SAP130: variants seen among roughly 807,000 people sequenced by gnomAD.
SAP130 encodes histone deacetylase complex subunit SAP130.
In SAP130, 16 loss-of-function variants were observed where a neutral mutation model predicts 103.2. The observed-to-expected ratio is 0.16, with a 90% confidence interval of 0.10 to 0.24. The LOEUF is 0.24. Ranked by LOEUF, SAP130 falls within the 10% of genes least tolerant of loss-of-function variation. SAP130 has a pLI of 1.00. For synonymous variants in SAP130, 477 were observed against 497.0 expected, an observed-to-expected ratio of 0.96 and a Z score of 0.53; for missense variants, 990 against 1,359.7, an observed-to-expected ratio of 0.73 and a Z score of 4.28.
In SAP130 at chr2:127,955,217, G is replaced by A; in HGVS notation, c.2191C>T (p.Pro731Ser). ...AVPPTAQQPP[P>S]TIPTMIAAAS... Reference sequence around the variant, plus strand: ...GCTGCAATCATAGTTGGAATGGTCGGTGGGGGCTGCTGGGCAGTTGGAGGG... The same window carrying A: ...GCTGCAATCATAGTTGGAATGGTCGATGGGGGCTGCTGGGCAGTTGGAGGG... The change falls in exon 16 of 21, where the codon CCG becomes TCG. Residue 731 changes from proline to serine, a missense_variant. Pro to Ser is a moderately conservative substitution (Grantham distance 74, BLOSUM62 -1). Transcript: ENST00000643581. The surrounding 1 kb of genome is among the most constrained non-coding windows in gnomAD (Gnocchi z 4.9). The A allele has an allele frequency of 6.2e-7, 1 of 1,614,162 alleles. No individual in the cohort carries two copies. Among genetic ancestry groups the A allele is most frequent in the Non-Finnish European group, 8.5e-7 (1 of 1,180,036 alleles).
intron 2 of SAP130, among the ~76,000 whole-genome samples, chr2:128,022,421 G>A (rs1273535807): frequency 6.6e-6 from 1 of 152,208 alleles, no homozygotes; most frequent in Non-Finnish European, 1.5e-5. Flanking sequence ...CTACGAACAT[G>A]TGAATATAAG....
At chr2:128,024,073 G>A (rs1685333914) in intron 2 of SAP130, among the ~76,000 whole-genome samples, 1 of 152,118 alleles carries the variant, frequency 6.6e-6, no homozygotes. Context: ...TCGTGAAATT[G>A]GGAATTTTTT....
At chr2:128,004,748 G>A (rs985697350) in intron 7 of SAP130, among the ~76,000 whole-genome samples, 5 of 152,112 alleles carry the variant, frequency 3.3e-5, no homozygotes, top group African/African-American at 1.2e-4. Flanking sequence ...AATAGTGTGC[G>A]GGGGACCTAG....
chr2:128,016,300 G>A (rs1376645368), intron 4 of SAP130, 89 bp downstream of exon 4: 29 of 1,318,200 alleles, frequency 2.2e-5, no homozygotes, highest in South Asian at 5.6e-5. Context: ...TTTTATTACC[G>A]TGACTAATGT....
chr2:127,996,040 C>T lies in SAP130; in HGVS notation c.1355+310G>A, dbSNP rs981644205. 2.6e-5 allele frequency among the ~76,000 whole-genome samples: 4 copies of T among 152,054 alleles called. No homozygotes were observed. The highest frequency in any genetic ancestry group is 1.3e-4 in the Admixed American group (2 of 15,256). ...ACATCAAAGAATGTCTTTACTCTTC[C>T]GTGCTACAAATGGAGGTACTTACGG... is the stretch of plus-strand genomic sequence containing the variant. On this transcript the variant is annotated intron_variant, in intron 11 of 20. Coordinates refer to ENST00000643581, the MANE Select transcript of SAP130 (RefSeq NM_001330301.2). This position sits in a 1 kb window ranked among gnomAD's most constrained non-coding sequence, Gnocchi z 4.3.
Position 127,989,667 on chromosome 2 carries a change from T to G in SAP130, c.1677A>C (p.Pro559=). The change falls in exon 13 of 21, where the codon CCA becomes CCC. Residue 559 remains proline, a synonymous_variant. Transcript: ENST00000643581. This position sits in a 1 kb window ranked among gnomAD's most constrained non-coding sequence, Gnocchi z 4.6. ...PIGTPGIQPA[P]LGTQGIHSAT... ...CTGAGTGAATTCCCTGTGTGCCAAG[T>G]GGTGCAGGCTGTATCCCTGGGGTCC... is the stretch of plus-strand genomic sequence containing the variant. 2.5e-6 allele frequency: 4 copies of G among 1,614,166 alleles called. No homozygotes were observed. Among genetic ancestry groups the G allele is most frequent in the Non-Finnish European group, 3.4e-6 (4 of 1,180,012 alleles).
intron 7 of SAP130, among the ~76,000 whole-genome samples, chr2:128,007,546 A>T (rs1684063085): frequency 6.6e-6 from 1 of 152,178 alleles, no homozygotes; most frequent in Non-Finnish European, 1.5e-5. Context: ...AAAATGAGCA[A>T]CAACAAGTAG....
intron 14 of SAP130, among the ~76,000 whole-genome samples, chr2:127,980,999 C>G (rs993861118): frequency 6.6e-6 from 1 of 152,114 alleles, no homozygotes; most frequent in African/African-American, 2.4e-5. Flanking sequence ...TCATATGATT[C>G]TATCTATCCA....
chr2:128,021,372 G>C (rs548364903), intron 2 of SAP130, among the ~76,000 whole-genome samples: 1 of 151,562 alleles, frequency 6.6e-6, no homozygotes, highest in South Asian at 2.1e-4. Flanking sequence ...GCTTGAACCC[G>C]GGAGGTGGAG....
At chr2:127,977,263 G>C (rs560586507) in intron 15 of SAP130, among the ~76,000 whole-genome samples, 1 of 150,432 alleles carries the variant, frequency 6.6e-6, no homozygotes, top group Non-Finnish European at 1.5e-5. Flanking sequence ...GCTGAGGCAC[G>C]TGGATCAATT....
Position 127,977,978 on chromosome 2 carries a change from T to TG in SAP130, c.2063+6dup, listed in dbSNP as rs1361487257. On this transcript the variant is annotated splice_region_variant and intron_variant, in intron 15 of 20. Transcript: ENST00000643581. ...AGCAAGAGTGCGAAGAACACTTAGG[T>TG]GCTCACCCTGCAGGCCTAGGTGACC... 5 of 1,541,550 alleles carry TG rather than the reference T, an allele frequency of 3.2e-6. No individual in the cohort carries two copies. The African/African-American group carries it at 6.9e-5, about 21-fold the overall frequency.
At chr2:127,983,095 T>A (rs1559067117) in intron 14 of SAP130, among the ~76,000 whole-genome samples, 1 of 151,622 alleles carries the variant, frequency 6.6e-6, no homozygotes, top group Non-Finnish European at 1.5e-5. Flanking sequence ...GAAGAGAGGG[T>A]TCCACTATCA....
At chr2:127,945,113 C>G (rs1678985171) in intron 19 of SAP130, among the ~76,000 whole-genome samples, 1 of 152,018 alleles carries the variant, frequency 6.6e-6, no homozygotes, top group Non-Finnish European at 1.5e-5. Flanking sequence ...GAGACTTCAT[C>G]TGAGGGAGCA....
chr2:128,023,157 G>C (rs1262107486), intron 2 of SAP130, among the ~76,000 whole-genome samples: 1 of 152,174 alleles, frequency 6.6e-6, no homozygotes, highest in East Asian at 1.9e-4. Flanking sequence ...ACCACGCCCA[G>C]CTAATTTTTG....
chr2:128,023,938 T>A (rs1032640091), intron 2 of SAP130, among the ~76,000 whole-genome samples: 9 of 78,066 alleles, frequency 1.2e-4, no homozygotes, highest in Non-Finnish European at 2.2e-4. Context: ...TTCTCTAGAA[T>A]ATTCTAGAGA....
chr2:127,967,795 ACCT>A (rs1284244018), intron 15 of SAP130, among the ~76,000 whole-genome samples: 3 of 152,154 alleles, frequency 2.0e-5, no homozygotes, highest in Non-Finnish European at 4.4e-5. Flanking sequence ...AACAAACTAG[ACCT>A]AACAGATATA....
intron 15 of SAP130, among the ~76,000 whole-genome samples, chr2:127,970,719 A>C (rs943992214): frequency 3.3e-5 from 5 of 151,760 alleles, no homozygotes; most frequent in African/African-American, 1.2e-4. Flanking sequence ...CAAAACAAAA[A>C]AAAGACCAGT....
intron 15 of SAP130, among the ~76,000 whole-genome samples, chr2:127,964,752 C>T (rs1446053472): frequency 6.6e-6 from 1 of 152,042 alleles, no homozygotes; most frequent in African/African-American, 2.4e-5. Context: ...AATGCCAACA[C>T]TTTGAAGGCT....
intron 2 of SAP130, among the ~76,000 whole-genome samples, chr2:128,025,566 T>C (rs556521912): frequency 6.6e-6 from 1 of 152,358 alleles, no homozygotes; most frequent in African/African-American, 2.4e-5. Flanking sequence ...ACATACAGAC[T>C]TTTTTCTCTT....
Sources: gnomAD v4.1 joint callset for allele counts (sites outside exome capture counted in the v4.1 genomes callset) on GRCh38, gnomAD v4.1.1 for gene constraint, Gnocchi (gnomAD v3.1) non-coding constraint, MANE v1.5 for transcripts, NCBI Gene and HGNC (gene_info 2026-07-23, HGNC 2026-07-21) for gene names.